ANK2: variants seen among roughly 807,000 people sequenced by gnomAD.
ANK2 encodes ankyrin 2, also known as ankyrin-2.
A neutral mutation model predicts 360.5 loss-of-function variants in ANK2; 83 were observed. The ratio of observed to expected loss-of-function variants is 0.23; its 90% CI spans 0.19 to 0.28. The LOEUF is 0.28. ANK2 is among the 10% of genes least tolerant of loss of function. The pLI, the probability that ANK2 is intolerant of heterozygous loss-of-function variation, is 1.00. For synonymous variants in ANK2, 1,740 were observed against 1,759.5 expected, an observed-to-expected ratio of 0.99 and a Z score of 0.28; for missense variants, 4,201 against 4,795.7, an observed-to-expected ratio of 0.88 and a Z score of 3.66.
chr4:113,097,876 GCA>G (rs372519816), intron 1 of ANK2, among the ~76,000 whole-genome samples: 3,858 of 105,906 alleles, frequency 0.036, 160 homozygotes, highest in East Asian at 0.17. Flanking sequence ...GTATATATAT[GCA>G]CACACACACA....
At chr4:113,074,500 C>CAGT (rs1290929467) in intron 1 of ANK2, among the ~76,000 whole-genome samples, 3 of 152,106 alleles carry the variant, frequency 2.0e-5, no homozygotes, top group Non-Finnish European at 4.4e-5. Flanking sequence ...AGTGAAAAGG[C>CAGT]AGTACATGGC....
At chr4:113,349,676 G>A (rs1480853010) in intron 36 of ANK2, among the ~76,000 whole-genome samples, 1 of 152,042 alleles carries the variant, frequency 6.6e-6, no homozygotes, top group Non-Finnish European at 1.5e-5. Context: ...AAAAATGATA[G>A]GGAAGCCAAT....
chr4:112,810,173 T>A, the ANK2 span, among the ~76,000 whole-genome samples: 14 of 125,698 alleles, frequency 1.1e-4, no homozygotes, highest in African/African-American at 4.3e-4. Flanking sequence ...TTTTTTTTTT[T>A]TTTTTTTTTG....
chr4:113,292,609 C>T (rs2068328410), intron 21 of ANK2, 95 bp downstream of exon 21: 9 of 1,308,388 alleles, frequency 6.9e-6, no homozygotes, highest in Non-Finnish European at 7.5e-6. Context: ...TCAGATTCCT[C>T]CTCTTTAAAT....
the ANK2 span, chr4:112,739,075 A>C: frequency 1.8e-6 from 1 of 545,104 alleles, no homozygotes; most frequent in Non-Finnish European, 3.5e-6. Context: ...ACCAACCCCA[A>C]TGCCAGGCTG....
intron 20 of ANK2, among the ~76,000 whole-genome samples, chr4:113,289,446 C>T (rs569451685): frequency 7.9e-5 from 12 of 152,014 alleles, no homozygotes; most frequent in East Asian, 7.8e-4. Context: ...TGGGCTCAAG[C>T]GAAATTCTCC....
chr4:113,002,277 G>A (rs1284342160), intron 2 of ANK2, among the ~76,000 whole-genome samples: 14 of 152,092 alleles, frequency 9.2e-5, no homozygotes, highest in Admixed American at 9.2e-4. Flanking sequence ...GTTTATTGTG[G>A]CACTATTCAC....
chr4:112,751,120 G>T, the ANK2 span, among the ~76,000 whole-genome samples: 13,190 of 152,102 alleles, frequency 0.087, 779 homozygotes, highest in African/African-American at 0.16. Context: ...CAGTTTTCCT[G>T]CTTCTCTATC....
At chr4:112,885,373 C>T (rs2077994763) in intron 1 of ANK2, among the ~76,000 whole-genome samples, 1 of 151,862 alleles carries the variant, frequency 6.6e-6, no homozygotes, top group African/African-American at 2.4e-5. Flanking sequence ...GAGGCACGCG[C>T]CTGTAATCCC....
intron 1 of ANK2, among the ~76,000 whole-genome samples, chr4:112,858,225 GTGACAATATTAC>G (rs1169672411): frequency 7.7e-6 from 1 of 130,608 alleles, no homozygotes; most frequent in Non-Finnish European, 1.6e-5. Context: ...CTCCTAGTAA[GTGACAATATTAC>G]TGACAATAAC....
the ANK2 span, among the ~76,000 whole-genome samples, chr4:112,790,484 C>CTTTTT: frequency 1.9e-3 from 221 of 113,602 alleles, no homozygotes; most frequent in Middle Eastern, 4.8e-3. Flanking sequence ...CTTTTCTTTT[C>CTTTTT]TTTTTTTTTT....
At chr4:112,964,785 G>T (rs1416652562) in intron 2 of ANK2, among the ~76,000 whole-genome samples, 1 of 151,920 alleles carries the variant, frequency 6.6e-6, no homozygotes, top group Non-Finnish European at 1.5e-5. Flanking sequence ...TAGCCAGGAT[G>T]GTCTCGATCT....
Position 113,353,429 on chromosome 4 carries a change from G to A in ANK2, c.4811G>A (p.Arg1604Lys), listed in dbSNP as rs776426910. 6.4e-5 allele frequency: 103 copies of A among 1,613,800 alleles called. 2 individuals are homozygous for A. The South Asian group carries it at 9.6e-4, about 15-fold the overall frequency. ...IVSDEEIEEA[R>K]QKAPLEITEY... ...AGTGATGAGGAAATAGAAGAGGCTA[G>A]GCAAAAAGCACCTTTAGAAATCACT... The change falls in exon 38 of 46, where the codon AGG (arginine) becomes AAG (lysine). Residue 1604 changes from arginine to lysine, a missense_variant. By Grantham distance (26) the Arg-to-Lys change is conservative. Coordinates refer to ENST00000357077, the MANE Select transcript of ANK2 (RefSeq NM_001148.6).
chr4:112,985,333 C>G (rs2044478707), intron 2 of ANK2, among the ~76,000 whole-genome samples: 1 of 152,218 alleles, frequency 6.6e-6, no homozygotes, highest in Non-Finnish European at 1.5e-5. Flanking sequence ...CCCACCTACA[C>G]CAACACATTA....
chr4:112,779,955 G>A, the ANK2 span, among the ~76,000 whole-genome samples: 1 of 152,120 alleles, frequency 6.6e-6, no homozygotes, highest in African/African-American at 2.4e-5. Flanking sequence ...AGGTGTGGTG[G>A]TTCACACCTG....
chr4:113,089,545 G>A (rs2086665003), intron 1 of ANK2, among the ~76,000 whole-genome samples: 1 of 152,220 alleles, frequency 6.6e-6, no homozygotes, highest in Admixed American at 6.5e-5. Context: ...AGCAGATGAA[G>A]GCCAGGCATG....
the ANK2 span, among the ~76,000 whole-genome samples, chr4:112,749,295 T>C: frequency 5.9e-5 from 9 of 152,338 alleles, no homozygotes; most frequent in Admixed American, 2.0e-4. Flanking sequence ...TTACCAGTGA[T>C]ATCATTGGTA....
chr4:112,881,887 T>C, intron 1 of ANK2: 1 of 726,384 alleles, frequency 1.4e-6, no homozygotes. Flanking sequence ...GAGACCGCTC[T>C]CTTTGGTTCC....
intron 14 of ANK2, among the ~76,000 whole-genome samples, chr4:113,272,769 C>T (rs1458104917): frequency 6.6e-6 from 1 of 152,058 alleles, no homozygotes; most frequent in Non-Finnish European, 1.5e-5. Flanking sequence ...TCCAACTATC[C>T]CTCTTACTCA....
Sources: allele counts gnomAD v4.1 joint callset (sites outside exome capture counted in the v4.1 genomes callset), GRCh38; gene constraint gnomAD v4.1.1; transcripts MANE v1.5; gene names NCBI Gene and HGNC (gene_info 2026-07-23, HGNC 2026-07-21).